Variants in GLMP observed in about 807,000 individuals in gnomAD.
GLMP encodes the protein glycosylated lysosomal membrane protein, also known as kidney lysosomal membrane protein.
In GLMP, 36 loss-of-function variants were observed where a neutral mutation model predicts 39.2. The observed-to-expected ratio is 0.92, with a 90% CI of 0.70 to 1.21. The LOEUF is 1.21. Ranked by LOEUF, GLMP falls within the 50% of genes most tolerant of loss-of-function variation. The pLI is 0.00. For missense variants in GLMP, 454 were observed against 505.6 expected (o/e 0.90, Z 0.98); for synonymous variants, 220 against 218.9 (o/e 1.01, Z -0.04).
chr1:156,294,231 C>CT lies in GLMP; in HGVS notation c.584dup (p.Ala196GlyfsTer51). The CT allele has an allele frequency of 2.5e-6, 4 of 1,613,746 alleles. No individual in the cohort carries two copies. The highest frequency in any genetic ancestry group is 3.4e-6 in the Non-Finnish European group (4 of 1,179,688). On this transcript the variant is annotated frameshift_variant, in exon 4 of 6. Coordinates refer to ENST00000362007, the MANE Select transcript of GLMP (RefSeq NM_144580.3). LOFTEE classifies it high-confidence loss of function. ...CTGGTCGGCTGGACCTGGAAAAGGC[C>CT]TGGACCTAGGAAGGAAGAAGCATGG...
intron 1 of GLMP, 200 bp downstream of exon 1, chr1:156,295,326 G>C: frequency 7.3e-7 from 1 of 1,360,948 alleles, no homozygotes. Flanking sequence ...GGCTGAGTCG[G>C]GGTCCAGACA....
chr1:156,294,448 G>T lies in GLMP; in HGVS notation c.496C>A (p.Pro166Thr). 6.2e-7 allele frequency: 1 copy of T among 1,614,198 alleles called. No homozygotes were observed. Among genetic ancestry groups the T allele is most frequent in the Non-Finnish European group, 8.5e-7 (1 of 1,180,026 alleles). The change falls in exon 3 of 6, where the codon CCT becomes ACT. Residue 166 changes from proline to threonine, a missense_variant. Coordinates refer to ENST00000362007, the MANE Select transcript of GLMP (RefSeq NM_144580.3). The stretch of plus-strand genomic sequence containing the variant: ...TGAAATGTGGCACTCAGGGTGGCAG[G>T]ATCCAATGAATCAGTGATGTTGTTC... ...SWNNITDSLD[P>T]ATLSATFQGH... is the part of the protein sequence containing the mutation.
Position 156,292,702 on chromosome 1 carries a change from A to G in GLMP, c.*342T>C, listed in dbSNP as rs1318805868. 3.9e-5 allele frequency: 10 copies of G among 257,016 alleles called. No homozygotes were observed. The highest frequency in any genetic ancestry group is 2.9e-5 in the Non-Finnish European group (4 of 136,296). The allele number at this position is 257,016 out of a possible 1,614,324, so 15.9% of individuals were successfully genotyped here. A position where few individuals can be genotyped will look rare whatever the true frequency, so the allele number is the denominator to read the frequency against. On this transcript the variant is annotated 3_prime_UTR_variant, in exon 6 of 6. Transcript: ENST00000362007. ...AGAGACTGGAGCCCTGTGAAAAAAAATAAATCTATTTTCTTGCCTTCCAGG... is the reference window on the plus strand; with the variant it reads ...AGAGACTGGAGCCCTGTGAAAAAAAGTAAATCTATTTTCTTGCCTTCCAGG...
At chr1:156,295,255 T>G in intron 1 of GLMP, 1 of 1,307,572 alleles carries the variant, frequency 7.6e-7, no homozygotes, top group African/African-American at 1.5e-5. Flanking sequence ...GGTGGGCGGG[T>G]CAGGGCACAG....
chr1:156,295,145 G>A (rs1663558448), intron 1 of GLMP, 129 bp from the exon 2 acceptor site: 1 of 992,700 alleles, frequency 1.0e-6, no homozygotes, highest in Non-Finnish European at 1.4e-6. Flanking sequence ...CTAGACAAGA[G>A]GAATGTGTGC....
chr1:156,295,668 A>T lies in GLMP; in HGVS notation c.-23T>A, dbSNP rs1423152962. On this transcript the variant is annotated 5_prime_UTR_variant, in exon 1 of 6. Transcript: ENST00000362007. Reference sequence around the variant, plus strand: ...CATACGGCCGCAATTCAGCCGACGGAAGAGGTGCCAGAGGGTCACATGACT... The same window carrying T: ...CATACGGCCGCAATTCAGCCGACGGTAGAGGTGCCAGAGGGTCACATGACT... 1.1e-5 allele frequency: 17 copies of T among 1,538,794 alleles called. 1 individual carries two copies. In the South Asian group the frequency reaches 1.9e-4, roughly 17 times the overall value.
In GLMP at chr1:156,294,180, T is replaced by C. The variant is rs1223607267; in HGVS notation, c.636A>G (p.Thr212=). 6.2e-7 allele frequency: 1 copy of C among 1,614,070 alleles called. No homozygotes were observed. Among genetic ancestry groups the C allele is most frequent in the South Asian group, 1.1e-5 (1 of 91,082 alleles). ...CCACCTCTAGCTGACAGGTGTCTGC[T>C]GTGTGCAGGAGGCGAGGGGGTTGGG... The part of the protein sequence containing the change: ...RPAQPPRLLH[T]ADTCQLEVAL... Residue 212 remains threonine, a synonymous_variant, in exon 4 of 6, where the codon ACA becomes ACG. Transcript: ENST00000362007.
In GLMP at chr1:156,294,679, C is replaced by G. The variant is rs573155616; in HGVS notation, c.378+80G>C. The stretch of plus-strand genomic sequence containing the variant: ...TATCTGAGTCTATTTCACCCACCCC[C>G]AGTCTTTAGTTCCACCCTCTAATTG... On this transcript the variant is annotated intron_variant, in intron 2 of 5. Transcript: ENST00000362007. 1.7e-5 allele frequency: 26 copies of G among 1,570,440 alleles called. No individual in the cohort carries two copies. The East Asian group carries it at 4.7e-4, about 29-fold the overall frequency.
Position 156,294,485 on chromosome 1 carries a change from G to A in GLMP, c.459C>T (p.Ala153=), listed in dbSNP as rs981097686. 6 of 1,613,988 alleles carry A rather than the reference G, an allele frequency of 3.7e-6. No individual in the cohort carries two copies. Among genetic ancestry groups the A allele is most frequent in the South Asian group, 1.1e-5 (1 of 91,082 alleles). Residue 153 remains alanine (A), a synonymous_variant, in exon 3 of 6, where the codon GCC becomes GCT. Transcript: ENST00000362007. ...CAGTGATGTTGTTCCAAGAGAAATC[G>A]GCCAAGGAGTATGGAGGATATGGTC... ...LGRPYPPYSL[A]DFSWNNITDS... is the part of the protein sequence containing the mutation.
In GLMP at chr1:156,294,824, C is replaced by T. The variant is rs777297524; in HGVS notation, c.313G>A (p.Asp105Asn). ...NWSLLLSPEP[D>N]GGLMVLPKDS... Reference sequence around the variant, plus strand: ...TTAGGGAGCACCATCAGGCCCCCATCGGGCTCAGGGGATAGCAGGAGGCTC... The same window carrying T: ...TTAGGGAGCACCATCAGGCCCCCATTGGGCTCAGGGGATAGCAGGAGGCTC... The change falls in exon 2 of 6, where the codon GAT becomes AAT. Residue 105 changes from aspartate to asparagine, a missense_variant. Asp to Asn is a conservative substitution (Grantham distance 23, BLOSUM62 1). Coordinates refer to ENST00000362007, the MANE Select transcript of GLMP (RefSeq NM_144580.3). 1.0e-5 allele frequency: 16 copies of T among 1,591,828 alleles called. No homozygotes were observed. Among genetic ancestry groups the T allele is most frequent in the Middle Eastern group, 1.7e-4 (1 of 5,946 alleles).
rs1663394741 is a variant in GLMP at position 156,292,811 on chromosome 1, C to T, written c.*233G>A. On this transcript the variant is annotated 3_prime_UTR_variant, in exon 6 of 6. Transcript: ENST00000362007. ...GTGTGGAGATGCAAGAAGGCAACAC[C>T]AAGGGGACCTTATCAATAGCCCTGT... 4.0e-6 allele frequency: 2 copies of T among 505,326 alleles called. No homozygotes were observed. Among genetic ancestry groups the T allele is most frequent in the African/African-American group, 3.9e-5 (2 of 51,186 alleles). 31.3% of individuals were successfully genotyped at this position (505,326 alleles called of 1,614,324 possible).
chr1:156,293,702 A>G, intron 4 of GLMP, 126 bp from the exon 5 acceptor site: 4 of 1,555,234 alleles, frequency 2.6e-6, no homozygotes, highest in Non-Finnish European at 3.5e-6. Flanking sequence ...CAGGGCCTCA[A>G]TCCCTCCTCT....
rs201657411 is a variant in GLMP at position 156,293,257 on chromosome 1, T to G, written c.1056-48A>C. ...GGTAAGCGGGCTTAGGAGGAAAGGCTGGGAGGCTCAGCCTTTGTCCACTTC... is the reference window on the plus strand; with the variant it reads ...GGTAAGCGGGCTTAGGAGGAAAGGCGGGGAGGCTCAGCCTTTGTCCACTTC... On this transcript the variant is annotated intron_variant, in intron 5 of 5. Transcript: ENST00000362007. The G allele has an allele frequency of 6.8e-6, 11 of 1,610,702 alleles. No homozygotes were observed. In the Admixed American group the frequency reaches 1.0e-4, roughly 15 times the overall value.
At position 156,294,824 on chromosome 1, in the gene GLMP, C is replaced by A; in HGVS notation, c.313G>T (p.Asp105Tyr). 1.9e-6 allele frequency: 3 copies of A among 1,591,830 alleles called. No individual in the cohort carries two copies. Among genetic ancestry groups the A allele is most frequent in the South Asian group, 1.1e-5 (1 of 88,646 alleles). Reference sequence around the variant, plus strand: ...TTAGGGAGCACCATCAGGCCCCCATCGGGCTCAGGGGATAGCAGGAGGCTC... The same window carrying A: ...TTAGGGAGCACCATCAGGCCCCCATAGGGCTCAGGGGATAGCAGGAGGCTC... ...NWSLLLSPEP[D>Y]GGLMVLPKDS... The change falls in exon 2 of 6, where the codon GAT (aspartate) becomes TAT (tyrosine). Residue 105 changes from aspartate to tyrosine, a missense_variant. Transcript: ENST00000362007.
In GLMP at chr1:156,294,149, T is replaced by C. The variant is rs10908495; in HGVS notation, c.667A>G (p.Ile223Val). ...CGGTTTCCCCGGGGAGAGGCTCCAA[T>C]CAGGGCCACCTCTAGCTGACAGGTG... is the stretch of plus-strand genomic sequence containing the variant. ...ADTCQLEVAL[I>V]GASPRGNRSL... Residue 223 changes from isoleucine to valine, a missense_variant, in exon 4 of 6, where the codon ATT becomes GTT. By Grantham distance (29) the Ile-to-Val change is conservative. Coordinates refer to ENST00000362007, the MANE Select transcript of GLMP (RefSeq NM_144580.3). The C allele has an allele frequency of 0.28, 448,321 of 1,613,794 alleles. 64,069 individuals carry two copies. Among genetic ancestry groups the C allele is most frequent in the Non-Finnish European group, 0.29 (343,643 of 1,179,800 alleles).
Position 156,292,968 on chromosome 1 carries a change from T to C in GLMP, c.*76A>G, listed in dbSNP as rs748020606. 2.0e-6 allele frequency: 3 copies of C among 1,537,094 alleles called. No homozygotes were observed. The highest frequency in any genetic ancestry group is 2.6e-6 in the Non-Finnish European group (3 of 1,135,726). Reference sequence around the variant, plus strand: ...GGGGAGTGAAGGGGCCGGCTGGAACTTGATGCTCCAACCTCCAGAGTTTCG... The same window carrying C: ...GGGGAGTGAAGGGGCCGGCTGGAACCTGATGCTCCAACCTCCAGAGTTTCG... On this transcript the variant is annotated 3_prime_UTR_variant, in exon 6 of 6. Coordinates refer to ENST00000362007, the MANE Select transcript of GLMP (RefSeq NM_144580.3).
At position 156,294,095 on chromosome 1, in the gene GLMP, A is replaced by G. The variant is rs1362318885; in HGVS notation, c.721T>C (p.Leu241=). 2.5e-6 allele frequency: 4 copies of G among 1,614,176 alleles called. No homozygotes were observed. The highest frequency in any genetic ancestry group is 2.2e-5 in the South Asian group (2 of 91,086). The change falls in exon 4 of 6, where the codon TTG becomes CTG. Residue 241 remains leucine, a synonymous_variant. Coordinates refer to ENST00000362007, the MANE Select transcript of GLMP (RefSeq NM_144580.3). ...GAGGGGCAGTCAGGGCCCTGGCCCAATGTGGCTACCTCCAGCCCAAACAGG... is the reference window on the plus strand; with the variant it reads ...GAGGGGCAGTCAGGGCCCTGGCCCAGTGTGGCTACCTCCAGCCCAAACAGG... ...RSLFGLEVAT[L]GQGPDCPSMQ... is the part of the protein sequence containing the mutation.
chr1:156,295,633 C>T lies in GLMP; in HGVS notation c.13G>A (p.Val5Met), dbSNP rs761436491. ...TGCCCCCAACCCCAGGTGCACTCCA[C>T]AGAGCCGCGCATACGGCCGCAATTC... MRGS[V>M]ECTWGWGHCA... The change falls in exon 1 of 6, where the codon GTG becomes ATG. Residue 5 changes from valine (V) to methionine (M), a missense_variant. By Grantham distance (21) the Val-to-Met change is conservative. Transcript: ENST00000362007. 8.4e-6 allele frequency: 13 copies of T among 1,553,332 alleles called. No homozygotes were observed. The highest frequency in any genetic ancestry group is 8.7e-7 in the Non-Finnish European group (1 of 1,147,978).
intron 4 of GLMP, chr1:156,293,790 GCC>G: frequency 7.2e-7 from 1 of 1,396,248 alleles, no homozygotes; most frequent in Non-Finnish European, 9.9e-7. Flanking sequence ...CCTCCTCTTG[GCC>G]CCTAGCCCCC....
Sources: allele counts gnomAD v4.1 joint callset, GRCh38; gene constraint gnomAD v4.1.1; transcripts MANE v1.5; gene names NCBI Gene and HGNC (gene_info 2026-07-23, HGNC 2026-07-21).